Variants in CYB5R4 observed in about 807,000 individuals in gnomAD.
CYB5R4 encodes cytochrome b5 reductase 4, also known as N-terminal cytochrome b5 and cytochrome b5 oxidoreductase domain-containing protein.
CYB5R4 carries 55 observed loss-of-function variants against 70.2 expected under a neutral mutation model. The observed-to-expected ratio is 0.78, with a 90% CI of 0.63 to 0.98. The LOEUF (loss-of-function observed/expected upper bound fraction) is 0.98. Ranked by LOEUF, CYB5R4 falls within the 50% of genes least tolerant of loss-of-function variation. The pLI, the probability that CYB5R4 is intolerant of heterozygous loss-of-function variation, is 0.00. For synonymous variants in CYB5R4, 197 were observed against 199.5 expected (o/e 0.99, Z 0.11); for missense variants, 562 against 612.6 (o/e 0.92, Z 0.87).
intron 14 of CYB5R4, among the ~76,000 whole-genome samples, chr6:83,947,346 C>T (rs1588585786): frequency 6.6e-6 from 1 of 152,158 alleles, no homozygotes; most frequent in Admixed American, 6.5e-5. Flanking sequence ...GGAAAAGTCA[C>T]TAGCCATATG....
chr6:83,963,379 T>G lies in CYB5R4; in HGVS notation c.*3501T>G, dbSNP rs1370178515. The G allele has an allele frequency of 7.9e-5, 12 of 152,324 alleles. No individual in the cohort carries two copies. The East Asian group carries it at 2.1e-3, about 27-fold the overall frequency. 9.4% of individuals were successfully genotyped at this position (152,324 alleles called of 1,614,324 possible). ...ACAACCTGCTCTGTGATCTACCTTCTGAACCACACAAGCTTGTCCTGAACG... is the reference window on the plus strand; with the variant it reads ...ACAACCTGCTCTGTGATCTACCTTCGGAACCACACAAGCTTGTCCTGAACG... On this transcript the variant is annotated 3_prime_UTR_variant, in exon 16 of 16. Coordinates refer to ENST00000369681, the MANE Select transcript of CYB5R4 (RefSeq NM_016230.4).
intron 2 of CYB5R4, among the ~76,000 whole-genome samples, chr6:83,873,641 T>C (rs2092700453): frequency 6.6e-6 from 1 of 152,182 alleles, no homozygotes; most frequent in Admixed American, 6.5e-5. Flanking sequence ...GTTTTAAGTT[T>C]CCTTTGTTGG....
chr6:83,925,511 AG>A (rs1267849976), intron 10 of CYB5R4, among the ~76,000 whole-genome samples: 1 of 152,202 alleles, frequency 6.6e-6, no homozygotes, highest in Non-Finnish European at 1.5e-5. Flanking sequence ...TATATAGAAA[AG>A]GGTGCATATT....
In CYB5R4 at chr6:83,937,010, C is replaced by T. The variant is rs1477077689; in HGVS notation, c.1108+634C>T. 5.9e-5 allele frequency among the ~76,000 whole-genome samples: 9 copies of T among 152,218 alleles called. 1 individual carries two copies. The highest frequency in any genetic ancestry group is 5.9e-4 in the Admixed American group (9 of 15,292). ...CAAACATGGGCTGGGTGCGGTGGCT[C>T]ACGCCTGTAATCCCAGCACTTTGGG... On this transcript the variant is annotated intron_variant, in intron 12 of 15. Coordinates refer to ENST00000369681, the MANE Select transcript of CYB5R4 (RefSeq NM_016230.4).
intron 14 of CYB5R4, among the ~76,000 whole-genome samples, chr6:83,946,865 A>G (rs2129144318): frequency 6.6e-6 from 1 of 152,302 alleles, no homozygotes; most frequent in Non-Finnish European, 1.5e-5. Flanking sequence ...AGAGATGTGA[A>G]GGACGTCTTC....
chr6:83,901,199 A>G (rs946601867), intron 3 of CYB5R4, among the ~76,000 whole-genome samples: 3 of 152,160 alleles, frequency 2.0e-5, no homozygotes, highest in Non-Finnish European at 4.4e-5. Flanking sequence ...TCTGTAAAGA[A>G]TTTTATTTCT....
chr6:83,940,578 G>C lies in CYB5R4; in HGVS notation c.1323G>C (p.Glu441Asp). 1 of 1,601,542 alleles carries C rather than the reference G, an allele frequency of 6.2e-7. No individual in the cohort carries two copies. Among genetic ancestry groups the C allele is most frequent in the Non-Finnish European group, 8.5e-7 (1 of 1,176,030 alleles). Residue 441 changes from glutamate to aspartate, a missense_variant, in exon 14 of 16, where the codon GAG becomes GAC. Glu to Asp is a conservative substitution (Grantham distance 45). Transcript: ENST00000369681. Reference sequence around the variant, plus strand: ...ATATAATTTGGAGAAGCCAATTGGAGAAATTAGCATTTAAAGATAAAAGGT... The same window carrying C: ...ATATAATTTGGAGAAGCCAATTGGACAAATTAGCATTTAAAGATAAAAGGT... ...EDDIIWRSQL[E>D]KLAFKDKRLD...
At chr6:83,886,080 A>G (rs1455820275) in intron 2 of CYB5R4, among the ~76,000 whole-genome samples, 1 of 152,206 alleles carries the variant, frequency 6.6e-6, no homozygotes, top group Non-Finnish European at 1.5e-5. Context: ...GAGAAGTCCA[A>G]GGTCAACAGG....
chr6:83,918,881 T>G (rs910286474), intron 6 of CYB5R4, among the ~76,000 whole-genome samples: 1 of 152,140 alleles, frequency 6.6e-6, no homozygotes, highest in Non-Finnish European at 1.5e-5. Flanking sequence ...TAAATTAGAC[T>G]ATATAGGTGA....
chr6:83,877,065 T>C (rs895869751), intron 2 of CYB5R4, among the ~76,000 whole-genome samples: 3 of 152,120 alleles, frequency 2.0e-5, no homozygotes, highest in Admixed American at 6.5e-5. Flanking sequence ...CTCCTGACCT[T>C]GTGATCCACC....
chr6:83,957,817 TG>T (rs2099472665), intron 15 of CYB5R4, among the ~76,000 whole-genome samples: 1 of 152,160 alleles, frequency 6.6e-6, no homozygotes, highest in Admixed American at 6.5e-5. Context: ...CATTCTGAGA[TG>T]TAACTTGATT....
At chr6:83,867,038 T>C (rs1291164693) in intron 2 of CYB5R4, among the ~76,000 whole-genome samples, 1 of 152,230 alleles carries the variant, frequency 6.6e-6, no homozygotes, top group Non-Finnish European at 1.5e-5. Context: ...GAGTTTGGTC[T>C]TTTATTTTAT....
chr6:83,901,323 C>T (rs1388519416), intron 3 of CYB5R4, among the ~76,000 whole-genome samples: 4 of 152,174 alleles, frequency 2.6e-5, no homozygotes, highest in Admixed American at 1.3e-4. Flanking sequence ...GAGTTTCTGC[C>T]GAGAGATCAG....
In CYB5R4 at chr6:83,906,980, G is replaced by A. The variant is rs189095468; in HGVS notation, c.331-2029G>A. Among the ~76,000 whole-genome samples, 151 of 152,246 alleles carry A rather than the reference G, an allele frequency of 9.9e-4. 2 individuals carry two copies. Among genetic ancestry groups the A allele is most frequent in the Admixed American group, 2.7e-3 (41 of 15,304 alleles). ...TGTTTCCAGTATTTTGCTAATTTAA[G>A]TAGTGCTGTGATGAGTATCCTGGTA... On this transcript the variant is annotated intron_variant, in intron 3 of 15. Coordinates refer to ENST00000369681, the MANE Select transcript of CYB5R4 (RefSeq NM_016230.4).
chr6:83,944,341 C>A (rs2099470237), intron 14 of CYB5R4, among the ~76,000 whole-genome samples: 1 of 152,126 alleles, frequency 6.6e-6, no homozygotes, highest in African/African-American at 2.4e-5. Context: ...AATTAAGCTT[C>A]ATAAGCAAAG....
chr6:83,868,399 G>A (rs1267835621), intron 2 of CYB5R4, among the ~76,000 whole-genome samples: 1 of 152,056 alleles, frequency 6.6e-6, no homozygotes, highest in East Asian at 1.9e-4. Context: ...CAGGTGTGCC[G>A]AGCCTAGTCA....
intron 1 of CYB5R4, among the ~76,000 whole-genome samples, chr6:83,863,328 A>G (rs770142261): frequency 6.6e-6 from 1 of 152,160 alleles, no homozygotes; most frequent in Admixed American, 6.5e-5. Context: ...GTATAGAAAC[A>G]GGTACAGGCC....
At chr6:83,930,129 G>T (rs2099467934) in intron 10 of CYB5R4, among the ~76,000 whole-genome samples, 1 of 152,130 alleles carries the variant, frequency 6.6e-6, no homozygotes, top group African/African-American at 2.4e-5. Flanking sequence ...ACAATCATCT[G>T]AGTCTTCAGT....
intron 8 of CYB5R4, 104 bp downstream of exon 8, chr6:83,921,279 C>T: frequency 9.5e-7 from 1 of 1,051,040 alleles, no homozygotes; most frequent in Non-Finnish European, 1.3e-6. Flanking sequence ...TCTGCTGTTA[C>T]CATTTTGGTT....
Sources: gnomAD v4.1 joint callset for allele counts (sites outside exome capture counted in the v4.1 genomes callset) on GRCh38, gnomAD v4.1.1 for gene constraint, MANE v1.5 for transcripts, NCBI Gene and HGNC (gene_info 2026-07-23, HGNC 2026-07-21) for gene names.